Variants in RPH3AL observed in about 807,000 individuals in gnomAD.
The protein encoded by RPH3AL is rabphilin 3A like (without C2 domains).
In RPH3AL, 38 loss-of-function variants were observed where a neutral mutation model predicts 43.1. That is an observed-to-expected ratio of 0.88 (90% confidence interval 0.68 to 1.15). The LOEUF (loss-of-function observed/expected upper bound fraction) is 1.15, where lower values mean the gene tolerates loss of function less well. Among genes scored for constraint, RPH3AL ranks in the 50% most tolerant of loss-of-function variants. The pLI is 0.00. For synonymous variants in RPH3AL, 189 were observed against 176.3 expected, an observed-to-expected ratio of 1.07 and a Z score of -0.57; for missense variants, 462 against 423.2, an observed-to-expected ratio of 1.09 and a Z score of -0.81.
chr17:230,553 G>A (rs940571076), intron 7 of RPH3AL, among the ~76,000 whole-genome samples: 1 of 152,196 alleles, frequency 6.6e-6, no homozygotes, highest in African/African-American at 2.4e-5. Context: ...GCCAGGCAGT[G>A]GACTCCTCTG....
At chr17:253,130 G>A (rs564146060) in intron 6 of RPH3AL, among the ~76,000 whole-genome samples, 116 of 152,308 alleles carry the variant, frequency 7.6e-4, no homozygotes, top group African/African-American at 2.6e-3. Flanking sequence ...GGTGGGCTTG[G>A]GGAGAGGCAT....
At chr17:329,249 G>C (rs2044690590) in intron 2 of RPH3AL, among the ~76,000 whole-genome samples, 1 of 152,158 alleles carries the variant, frequency 6.6e-6, no homozygotes, top group African/African-American at 2.4e-5. Flanking sequence ...AAGGCAGGAG[G>C]ATTGCTTGAG....
At chr17:272,179 T>C (rs893415672) in intron 6 of RPH3AL, among the ~76,000 whole-genome samples, 6 of 152,166 alleles carry the variant, frequency 3.9e-5, no homozygotes, top group African/African-American at 9.7e-5. Context: ...AGTTCAACCA[T>C]TGTGGAGGAC....
chr17:259,731 G>C (rs1193112220), intron 6 of RPH3AL, among the ~76,000 whole-genome samples: 1 of 152,232 alleles, frequency 6.6e-6, no homozygotes, highest in South Asian at 2.1e-4. Flanking sequence ...GGGGTGTCCG[G>C]CAGCAGTAAA....
intron 7 of RPH3AL, among the ~76,000 whole-genome samples, chr17:232,590 C>T (rs34314694): frequency 0.1 from 15,922 of 152,272 alleles, 1,026 homozygotes; most frequent in Non-Finnish European, 0.14. Flanking sequence ...CCCCTCCCCT[C>T]GCCCTGTCTC....
chr17:236,188 C>A (rs1328714288), intron 7 of RPH3AL, among the ~76,000 whole-genome samples: 1 of 152,244 alleles, frequency 6.6e-6, no homozygotes, highest in Non-Finnish European at 1.5e-5. Context: ...CTTCTCACAG[C>A]TCCTGACCCA....
chr17:213,524 T>G lies in RPH3AL; in HGVS notation c.*328A>C. 1 of 454,380 alleles carries G rather than the reference T, an allele frequency of 2.2e-6. No individual in the cohort carries two copies. 28.1% of individuals were successfully genotyped at this position (454,380 alleles called of 1,614,324 possible). ...CCCCACCGGGCGGCCCCTCTGACAC[T>G]GCATGTGGGAAACCCCCCAGCCCAA... On this transcript the variant is annotated 3_prime_UTR_variant, in exon 10 of 10. Transcript: ENST00000331302.
rs541701417 is a variant in RPH3AL at position 329,531 on chromosome 17, G to A, written c.-36-1952C>T. ...GAGAACTCCAAAATACATGGGCTATGACCATTGCTAGTTACCACACTAGAA... is the reference window on the plus strand; with the variant it reads ...GAGAACTCCAAAATACATGGGCTATAACCATTGCTAGTTACCACACTAGAA... On this transcript the variant is annotated intron_variant, in intron 2 of 9. Transcript: ENST00000331302. Among the ~76,000 whole-genome samples the A allele has an allele frequency of 1.1e-4, 17 of 152,290 alleles. No homozygotes were observed. The Middle Eastern group carries it at 0.031, about 274-fold the overall frequency.
intron 9 of RPH3AL, 142 bp from the exon 10 acceptor site, chr17:214,065 G>A (rs938629905): frequency 2.8e-5 from 18 of 651,610 alleles, no homozygotes; most frequent in Admixed American, 1.9e-4. Flanking sequence ...GCCTCAGCCC[G>A]AGCTCGAGAC....
At chr17:298,883 C>G (rs1007368215) in intron 5 of RPH3AL, among the ~76,000 whole-genome samples, 1 of 152,058 alleles carries the variant, frequency 6.6e-6, no homozygotes, top group Admixed American at 6.5e-5. Flanking sequence ...AGGAGGGGGA[C>G]GGCAGGTCGG....
At chr17:238,723 G>C (rs2041460292) in intron 7 of RPH3AL, among the ~76,000 whole-genome samples, 1 of 152,082 alleles carries the variant, frequency 6.6e-6, no homozygotes, top group African/African-American at 2.4e-5. Context: ...ATGTTGATGT[G>C]GCTACTTTCA....
intron 5 of RPH3AL, among the ~76,000 whole-genome samples, chr17:291,760 T>C (rs890641520): frequency 6.6e-6 from 1 of 152,172 alleles, no homozygotes; most frequent in African/African-American, 2.4e-5. Context: ...CGAAGCTGTG[T>C]GGGGCAATAT....
intron 7 of RPH3AL, among the ~76,000 whole-genome samples, chr17:241,625 A>C (rs984134904): frequency 6.6e-6 from 1 of 151,790 alleles, no homozygotes; most frequent in Non-Finnish European, 1.5e-5. Context: ...AGCCAAAAAA[A>C]CCCCACCCCT....
chr17:256,871 T>C (rs1276362215), intron 6 of RPH3AL, among the ~76,000 whole-genome samples: 4 of 3,874 alleles, frequency 1.0e-3, no homozygotes, highest in East Asian at 0.038. Context: ...ACGGCGTCTG[T>C]CCTTTTCCAT....
At chr17:330,613 C>T (rs754681203) in intron 2 of RPH3AL, among the ~76,000 whole-genome samples, 3 of 152,214 alleles carry the variant, frequency 2.0e-5, no homozygotes, top group Non-Finnish European at 2.9e-5. Flanking sequence ...GGGTGGCTCA[C>T]GCCTGTAATC....
intron 2 of RPH3AL, chr17:331,533 C>T (rs1263025754): frequency 8.1e-7 from 1 of 1,238,544 alleles, no homozygotes; most frequent in Non-Finnish European, 1.0e-6. Context: ...CTGTCCTTCA[C>T]TCGCACGGAG....
intron 5 of RPH3AL, among the ~76,000 whole-genome samples, chr17:307,129 G>C (rs1179551171): frequency 6.7e-6 from 1 of 150,302 alleles, no homozygotes; most frequent in Non-Finnish European, 1.5e-5. Flanking sequence ...TCCCACAGCA[G>C]ATCCTCCCCA....
chr17:301,513 C>T (rs1004008179), intron 5 of RPH3AL, among the ~76,000 whole-genome samples: 4 of 152,134 alleles, frequency 2.6e-5, no homozygotes, highest in Admixed American at 1.3e-4. Context: ...CCTTGTTGCC[C>T]GGGCTGGTCT....
intron 3 of RPH3AL, among the ~76,000 whole-genome samples, chr17:326,394 T>C (rs553532275): frequency 4.6e-5 from 7 of 152,240 alleles, no homozygotes; most frequent in South Asian, 4.1e-4. Flanking sequence ...GCTCCCGTAA[T>C]TGGCATGGGT....
Sources: gnomAD v4.1 joint callset for allele counts (sites outside exome capture counted in the v4.1 genomes callset) on GRCh38, gnomAD v4.1.1 for gene constraint, MANE v1.5 for transcripts, NCBI Gene and HGNC (gene_info 2026-07-23, HGNC 2026-07-21) for gene names.